The following DDHD1 variants were observed in gnomAD, a reference collection of about 807,000 sequenced individuals.
DDHD1 encodes the protein phospholipase DDHD1.
In DDHD1, 49 loss-of-function variants were observed where a neutral mutation model predicts 96.4. That is an observed-to-expected ratio of 0.51 (90% CI 0.40 to 0.64). The LOEUF (loss-of-function observed/expected upper bound fraction) is 0.64, where lower values mean the gene tolerates loss of function less well. Ranked by LOEUF, DDHD1 falls within the 30% of genes least tolerant of loss-of-function variation. The pLI is 0.00. For missense variants in DDHD1, 1,106 were observed against 1,161.2 expected (o/e 0.95, Z 0.69); for synonymous variants, 442 against 446.5 (o/e 0.99, Z 0.13).
At chr14:53,150,240 G>A (rs1327950138) in intron 1 of DDHD1, among the ~76,000 whole-genome samples, 1 of 152,032 alleles carries the variant, frequency 6.6e-6, no homozygotes, top group Admixed American at 6.6e-5. Context: ...CTATTTCTCT[G>A]CTTCATTAAA....
chr14:53,109,621 C>G (rs1264265546), intron 1 of DDHD1, among the ~76,000 whole-genome samples: 1 of 152,016 alleles, frequency 6.6e-6, no homozygotes, highest in African/African-American at 2.4e-5. Flanking sequence ...TCCTTTTGTT[C>G]TTACAGCTTT....
At chr14:53,097,394 G>A (rs1886967304) in intron 2 of DDHD1, among the ~76,000 whole-genome samples, 2 of 151,924 alleles carry the variant, frequency 1.3e-5, no homozygotes, top group African/African-American at 4.8e-5. Flanking sequence ...TAAAAGCTGT[G>A]CTACGTCAGG....
intron 1 of DDHD1, among the ~76,000 whole-genome samples, chr14:53,148,786 T>G (rs1891165181): frequency 6.6e-6 from 1 of 152,230 alleles, no homozygotes; most frequent in Admixed American, 6.5e-5. Flanking sequence ...ACTCAACAAC[T>G]GTGCACTGGT....
chr14:53,103,212 G>A, intron 2 of DDHD1: 1 of 557,888 alleles, frequency 1.8e-6, no homozygotes, highest in Non-Finnish European at 2.9e-6. Flanking sequence ...AATGTAATGA[G>A]TAGATTGTTT....
intron 4 of DDHD1, among the ~76,000 whole-genome samples, chr14:53,090,042 C>A (rs1446658277): frequency 1.3e-5 from 2 of 152,078 alleles, no homozygotes; most frequent in Admixed American, 1.3e-4. Flanking sequence ...AGTCAAAGAA[C>A]CTCATCAAAA....
At chr14:53,091,987 C>A in intron 3 of DDHD1, 55 bp from the exon 4 acceptor site, 5 of 1,507,384 alleles carry the variant, frequency 3.3e-6, no homozygotes, top group Non-Finnish European at 4.5e-6. Flanking sequence ...ATAGCATTTC[C>A]ACAATATGTT....
chr14:53,097,537 A>T (rs945338341), intron 2 of DDHD1, among the ~76,000 whole-genome samples: 1 of 152,014 alleles, frequency 6.6e-6, no homozygotes, highest in Non-Finnish European at 1.5e-5. Context: ...TTAGACCAGG[A>T]AACAGTTTTA....
At chr14:53,101,614 G>A (rs1355580891) in intron 2 of DDHD1, among the ~76,000 whole-genome samples, 1 of 151,628 alleles carries the variant, frequency 6.6e-6, no homozygotes, top group East Asian at 1.9e-4. Context: ...AAAATATTAC[G>A]ATATCCTAGA....
chr14:53,139,480 C>T (rs1181933027), intron 1 of DDHD1, among the ~76,000 whole-genome samples: 1 of 152,134 alleles, frequency 6.6e-6, no homozygotes, highest in Non-Finnish European at 1.5e-5. Context: ...AATTTGAAGC[C>T]TGTGGTGCAC....
At chr14:53,108,718 T>C (rs766318378) in intron 1 of DDHD1, among the ~76,000 whole-genome samples, 3 of 152,232 alleles carry the variant, frequency 2.0e-5, no homozygotes, top group Non-Finnish European at 4.4e-5. Context: ...TGGCTTTGCC[T>C]TTCTCTTCAA....
At chr14:53,139,979 T>C (rs1392266653) in intron 1 of DDHD1, among the ~76,000 whole-genome samples, 1 of 151,898 alleles carries the variant, frequency 6.6e-6, no homozygotes, top group Non-Finnish European at 1.5e-5. Context: ...TATAATTAGA[T>C]GAGAAATTTC....
chr14:53,107,957 G>A (rs558247414), intron 1 of DDHD1, among the ~76,000 whole-genome samples: 13 of 152,266 alleles, frequency 8.5e-5, no homozygotes, highest in Admixed American at 2.0e-4. Context: ...AGAGCACAGC[G>A]GGAGGGACAA....
In DDHD1 at chr14:53,062,991, C is replaced by T. The variant is rs760802002; in HGVS notation, c.1718G>A (p.Ser573Asn). The change falls in exon 7 of 13, where the codon AGC becomes AAC. Residue 573 changes from serine to asparagine, a missense_variant. Physicochemically the swap from Ser to Asn is conservative, Grantham distance 46. Coordinates refer to ENST00000673822, the MANE Select transcript of DDHD1 (RefSeq NM_001160148.2). Reference sequence around the variant, plus strand: ...ATCAAGAAGATGTCGTTCTTCATAGCTCATCCATCGTTCATCAGGCAACTC... The same window carrying T: ...ATCAAGAAGATGTCGTTCTTCATAGTTCATCCATCGTTCATCAGGCAACTC... ...EEELPDERWM[S>N]YEERHLLDEL... 35 of 1,613,930 alleles carry T rather than the reference C, an allele frequency of 2.2e-5. 1 individual carries two copies. Among genetic ancestry groups the T allele is most frequent in the Middle Eastern group, 1.6e-4 (1 of 6,084 alleles).
At chr14:53,146,826 T>C (rs1891016781) in intron 1 of DDHD1, among the ~76,000 whole-genome samples, 1 of 152,154 alleles carries the variant, frequency 6.6e-6, no homozygotes, top group African/African-American at 2.4e-5. Flanking sequence ...ATACAGTAAC[T>C]ATAAAAAAAT....
intron 1 of DDHD1, among the ~76,000 whole-genome samples, chr14:53,113,660 A>C (rs1326656526): frequency 6.6e-6 from 1 of 152,172 alleles, no homozygotes; most frequent in African/African-American, 2.4e-5. Context: ...TCCCTCCGCC[A>C]GCCAAGGGAA....
intron 1 of DDHD1, among the ~76,000 whole-genome samples, chr14:53,130,859 G>A (rs1889814412): frequency 6.6e-6 from 1 of 152,222 alleles, no homozygotes; most frequent in Non-Finnish European, 1.5e-5. Context: ...TAGCTTAGTG[G>A]CTGAAATCTG....
chr14:53,097,620 C>T lies in DDHD1; in HGVS notation c.1013-4176G>A, dbSNP rs184475736. ...AAACTGACACAAACTTGAGACTTTA[C>T]TGCTTGAAACAAAAACTAGATTTTG... On this transcript the variant is annotated intron_variant, in intron 2 of 12. Transcript: ENST00000673822. 4.5e-4 allele frequency among the ~76,000 whole-genome samples: 69 copies of T among 152,038 alleles called. 2 individuals are homozygous for T. In the East Asian group the frequency reaches 0.013, roughly 29 times the overall value.
intron 4 of DDHD1, among the ~76,000 whole-genome samples, chr14:53,084,519 T>TA: frequency 6.6e-6 from 1 of 152,304 alleles, no homozygotes; most frequent in Middle Eastern, 3.4e-3. Context: ...AAGTAATACA[T>TA]AATTCATCAG....
Position 53,091,774 on chromosome 14 carries a change from A to C in DDHD1, c.1289+11T>G. ...AGATTAGATATACAATGCATTCATC[A>C]AAGAACTTACATAGCTGTATTTTTG... On this transcript the variant is annotated intron_variant, in intron 4 of 12. Coordinates refer to ENST00000673822, the MANE Select transcript of DDHD1 (RefSeq NM_001160148.2). The C allele has an allele frequency of 6.2e-7, 1 of 1,612,178 alleles. No individual in the cohort carries two copies. The highest frequency in any genetic ancestry group is 8.5e-7 in the Non-Finnish European group (1 of 1,178,992).
Sources: allele counts gnomAD v4.1 joint callset (sites outside exome capture counted in the v4.1 genomes callset), GRCh38; gene constraint gnomAD v4.1.1; transcripts MANE v1.5; gene names NCBI Gene and HGNC (gene_info 2026-07-23, HGNC 2026-07-21).